Variants in COLQ observed in about 807,000 individuals in gnomAD.
COLQ encodes the protein acetylcholinesterase collagenic tail peptide.
COLQ carries 48 observed loss-of-function variants against 69.0 expected under a neutral mutation model. That is an observed-to-expected ratio of 0.70 (90% CI 0.55 to 0.88). The LOEUF is 0.88. COLQ is among the 40% of genes least tolerant of loss of function. COLQ has a pLI of 0.00. For missense variants in COLQ, 618 were observed against 594.6 expected (o/e 1.04, Z -0.41); for synonymous variants, 217 against 211.2 (o/e 1.03, Z -0.24).
At chr3:15,504,464 A>G (rs1336565611) in intron 1 of COLQ, among the ~76,000 whole-genome samples, 2 of 152,082 alleles carry the variant, frequency 1.3e-5, no homozygotes, top group East Asian at 1.9e-4. Context: ...GTGTGTTCAG[A>G]TTTCCTCTTC....
chr3:15,503,673 T>C (rs1277994077), intron 1 of COLQ, among the ~76,000 whole-genome samples: 2 of 152,088 alleles, frequency 1.3e-5, no homozygotes, highest in Non-Finnish European at 2.9e-5. Context: ...AGGTATATAT[T>C]AGTACTGTCA....
In COLQ at chr3:15,513,088, T is replaced by A. The variant is rs531913935; in HGVS notation, c.106+8432A>T. On this transcript the variant is annotated intron_variant, in intron 1 of 16. Coordinates refer to ENST00000383788, the MANE Select transcript of COLQ (RefSeq NM_005677.4). ...ACTAATGGCTACCTTGTGACATTGTTGTGAAGATTAAATATAATATGTGTC... is the reference window on the plus strand; with the variant it reads ...ACTAATGGCTACCTTGTGACATTGTAGTGAAGATTAAATATAATATGTGTC... 3.9e-5 allele frequency among the ~76,000 whole-genome samples: 6 copies of A among 152,324 alleles called. No homozygotes were observed. In the East Asian group the frequency reaches 1.2e-3, roughly 29 times the overall value.
At chr3:15,477,658 G>A (rs1227242086) in intron 5 of COLQ, 1 of 172,158 alleles carries the variant, frequency 5.8e-6, no homozygotes, top group Admixed American at 5.6e-5. Context: ...TCTGCTACCT[G>A]TAACTGCGGT....
chr3:15,498,419 A>G (rs2125157555), intron 1 of COLQ: 1 of 1,341,490 alleles, frequency 7.5e-7, no homozygotes, highest in Non-Finnish European at 1.0e-6. Context: ...AAAACCTCCT[A>G]GTACAGTCTG....
At position 15,469,391 on chromosome 3, in the gene COLQ, G is replaced by A. The variant is rs548001062; in HGVS notation, c.717+1145C>T. 2.0e-5 allele frequency among the ~76,000 whole-genome samples: 3 copies of A among 152,246 alleles called. No individual in the cohort carries two copies. The East Asian group carries it at 5.8e-4, about 29-fold the overall frequency. ...GAGGGGATAAAGTGATATAAGAAAA[G>A]ATTTCTCCCCCATATTTTTCCTTTT... On this transcript the variant is annotated intron_variant, in intron 11 of 16. Coordinates refer to ENST00000383788, the MANE Select transcript of COLQ (RefSeq NM_005677.4).
chr3:15,516,089 G>A (rs978814574), intron 1 of COLQ, among the ~76,000 whole-genome samples: 3 of 152,314 alleles, frequency 2.0e-5, no homozygotes, highest in African/African-American at 2.4e-5. Context: ...GCAGAGGCTT[G>A]GGATGGGGTT....
chr3:15,510,336 C>T (rs2062968353), intron 1 of COLQ, among the ~76,000 whole-genome samples: 1 of 152,096 alleles, frequency 6.6e-6, no homozygotes, highest in Admixed American at 6.5e-5. Flanking sequence ...TAGGTATTAG[C>T]TCATTTTATC....
chr3:15,461,189 T>TCCCCGCGC (rs549486422), intron 12 of COLQ, among the ~76,000 whole-genome samples: 1 of 144,072 alleles, frequency 6.9e-6, no homozygotes, highest in East Asian at 2.1e-4. Context: ...TTGCCTTTAT[T>TCCCCGCGC]CCCCCCCCGA....
At chr3:15,453,234 A>G (rs2061974061) in intron 16 of COLQ, among the ~76,000 whole-genome samples, 1 of 152,202 alleles carries the variant, frequency 6.6e-6, no homozygotes, top group Admixed American at 6.5e-5. Context: ...AGGACACTAG[A>G]ATACTTGTCC....
chr3:15,491,335 A>G (rs1315881690), intron 1 of COLQ, among the ~76,000 whole-genome samples: 2 of 152,154 alleles, frequency 1.3e-5, no homozygotes, highest in African/African-American at 4.8e-5. Flanking sequence ...CCACCCCTTC[A>G]CGAAACCTCT....
intron 12 of COLQ, among the ~76,000 whole-genome samples, chr3:15,463,941 T>C (rs6785231): frequency 0.028 from 4,340 of 152,322 alleles, 189 homozygotes; most frequent in African/African-American, 0.097. Flanking sequence ...CATAAGTTAT[T>C]ACCCATACTA....
chr3:15,482,576 G>C (rs1284432032), intron 3 of COLQ, among the ~76,000 whole-genome samples: 1 of 152,206 alleles, frequency 6.6e-6, no homozygotes, highest in Non-Finnish European at 1.5e-5. Context: ...GATCATGGTG[G>C]ATAAGCTTTT....
At chr3:15,470,743 G>A (rs2125110082) in intron 10 of COLQ, 127 bp from the exon 11 acceptor site, 3 of 878,850 alleles carry the variant, frequency 3.4e-6, no homozygotes, top group Middle Eastern at 4.3e-4. Flanking sequence ...TGCCAACTGG[G>A]CTGCCCTGCA....
intron 13 of COLQ, among the ~76,000 whole-genome samples, chr3:15,457,447 C>T (rs994504274): frequency 9.2e-5 from 14 of 152,008 alleles, no homozygotes; most frequent in Admixed American, 2.6e-4. Flanking sequence ...AAAACAAGGA[C>T]ACAGGCTCGC....
At chr3:15,507,260 A>G (rs758561580) in intron 1 of COLQ, among the ~76,000 whole-genome samples, 2 of 152,240 alleles carry the variant, frequency 1.3e-5, no homozygotes, top group Non-Finnish European at 2.9e-5. Flanking sequence ...TATGTTGGTA[A>G]GACTATCCAT....
intron 1 of COLQ, among the ~76,000 whole-genome samples, chr3:15,509,752 C>T (rs1004209855): frequency 1.1e-4 from 17 of 152,210 alleles, no homozygotes; most frequent in African/African-American, 4.1e-4. Flanking sequence ...TATCCAAGGT[C>T]CTGTGGAGTT....
chr3:15,479,417 T>A, intron 3 of COLQ, 35 bp from the exon 4 acceptor site: 1 of 1,608,932 alleles, frequency 6.2e-7, no homozygotes, highest in Non-Finnish European at 8.5e-7. Context: ...AGAAAGTATA[T>A]ATCAGTCTGA....
intron 1 of COLQ, among the ~76,000 whole-genome samples, chr3:15,514,493 T>C (rs1375571659): frequency 2.6e-5 from 4 of 152,226 alleles, no homozygotes; most frequent in Non-Finnish European, 5.9e-5. Context: ...TCCCAATGCC[T>C]GATCCAATAC....
At chr3:15,484,922 C>G (rs1042419325) in intron 3 of COLQ, among the ~76,000 whole-genome samples, 2 of 152,244 alleles carry the variant, frequency 1.3e-5, no homozygotes, top group African/African-American at 2.4e-5. Flanking sequence ...CTCTGTCCAG[C>G]TTTGTTCCAT....
Sources: gnomAD v4.1 joint callset for allele counts (sites outside exome capture counted in the v4.1 genomes callset) on GRCh38, gnomAD v4.1.1 for gene constraint, MANE v1.5 for transcripts, NCBI Gene and HGNC (gene_info 2026-07-23, HGNC 2026-07-21) for gene names.